GBP7: variants seen among roughly 807,000 people sequenced by gnomAD.
GBP7 encodes the protein guanylate binding protein 7.
GBP7 carries 43 observed loss-of-function variants against 61.3 expected under a neutral mutation model. The observed-to-expected ratio is 0.70, with a 90% CI of 0.55 to 0.91. The LOEUF (loss-of-function observed/expected upper bound fraction) is 0.91, where lower values mean the gene tolerates loss of function less well. Among genes scored for constraint, GBP7 ranks in the 40% least tolerant of loss-of-function variants. The pLI, the probability that GBP7 is intolerant of heterozygous loss-of-function variation, is 0.00. For synonymous variants in GBP7, 267 were observed against 271.0 expected, an observed-to-expected ratio of 0.99 and a Z score of 0.14; for missense variants, 717 against 740.5, an observed-to-expected ratio of 0.97 and a Z score of 0.37.
chr1:89,147,056 T>C (rs1057111115), intron 8 of GBP7, among the ~76,000 whole-genome samples: 4 of 152,216 alleles, frequency 2.6e-5, no homozygotes, highest in African/African-American at 9.6e-5. Context: ...TAATTTACAT[T>C]ATTAGAATGA....
intron 3 of GBP7, among the ~76,000 whole-genome samples, chr1:89,153,806 A>C (rs1682255754): frequency 6.6e-6 from 1 of 152,208 alleles, no homozygotes; most frequent in African/African-American, 2.4e-5. Flanking sequence ...CTATGAGTTC[A>C]AGCAAGAAGT....
chr1:89,162,734 C>A (rs941855385), intron 3 of GBP7, among the ~76,000 whole-genome samples: 2 of 152,146 alleles, frequency 1.3e-5, no homozygotes, highest in Non-Finnish European at 2.9e-5. Context: ...TCCTCTTTTC[C>A]TGTTTGGATG....
At chr1:89,169,099 GCAAGTAACC>G (rs1441871749) in intron 2 of GBP7, among the ~76,000 whole-genome samples, 2 of 152,148 alleles carry the variant, frequency 1.3e-5, no homozygotes, top group Non-Finnish European at 2.9e-5. Context: ...AGCCATTTGA[GCAAGTAACC>G]TTAACTTATT....
chr1:89,154,678 A>G (rs371462526), intron 3 of GBP7, among the ~76,000 whole-genome samples: 23 of 151,192 alleles, frequency 1.5e-4, no homozygotes, highest in African/African-American at 5.6e-4. Context: ...TTAACTTTAA[A>G]TTTAAGTTCA....
chr1:89,151,060 G>A (rs1288885761), intron 5 of GBP7, among the ~76,000 whole-genome samples: 1 of 151,530 alleles, frequency 6.6e-6, no homozygotes, highest in Non-Finnish European at 1.5e-5. Context: ...TTTTTTTGTG[G>A]TAAGAGTACC....
intron 9 of GBP7, among the ~76,000 whole-genome samples, chr1:89,140,487 A>G (rs1269564490): frequency 2.0e-5 from 3 of 152,000 alleles, no homozygotes; most frequent in Admixed American, 6.6e-5. Context: ...TGCAGGTAGA[A>G]AGCACATGAG....
chr1:89,167,763 A>G (rs890562471), intron 2 of GBP7, among the ~76,000 whole-genome samples: 2 of 152,208 alleles, frequency 1.3e-5, no homozygotes, highest in African/African-American at 4.8e-5. Context: ...TGGACAACTA[A>G]GGCAATGACT....
rs746321263 is a variant in GBP7 at position 89,132,455 on chromosome 1, G to A, written c.1663-52C>T. ...GAAAATCCCCAATTTTTAAGAGACC[G>A]AGGTTTGTATTTAACAATTTCATTA... is the stretch of plus-strand genomic sequence containing the variant. On this transcript the variant is annotated intron_variant, in intron 10 of 10. Coordinates refer to ENST00000294671, the MANE Select transcript of GBP7 (RefSeq NM_207398.3). The A allele has an allele frequency of 3.5e-5, 48 of 1,381,876 alleles. 1 individual carries two copies. The African/African-American group carries it at 3.8e-4, about 11-fold the overall frequency. The allele number at this position is 1,381,876 out of a possible 1,614,324, so 85.6% of individuals were successfully genotyped here.
chr1:89,169,581 C>A (rs1011594931), intron 2 of GBP7, among the ~76,000 whole-genome samples: 23 of 152,130 alleles, frequency 1.5e-4, no homozygotes, highest in Admixed American at 5.9e-4. Context: ...ATTTTGAATT[C>A]TTCTAGGTTT....
In GBP7 at chr1:89,171,781, G is replaced by C. The variant is rs1398370708; in HGVS notation, c.155C>G (p.Ser52Cys). 6.2e-7 allele frequency: 1 copy of C among 1,613,242 alleles called. No individual in the cohort carries two copies. Among genetic ancestry groups the C allele is most frequent in the Non-Finnish European group, 8.5e-7 (1 of 1,179,844 alleles). Residue 52 changes from serine (S) to cysteine (C), a missense_variant, in exon 2 of 11, where the codon TCC becomes TGC. Transcript: ENST00000294671. ...CCCAGCCAGCTTGTTCATTAGGTAG[G>C]ATTTGCCTGTGCGGTAGAGGCCCAC... ...AIVGLYRTGK[S>C]YLMNKLAGKN...
intron 8 of GBP7, among the ~76,000 whole-genome samples, chr1:89,145,684 C>A (rs2100643218): frequency 6.6e-6 from 1 of 151,982 alleles, no homozygotes; most frequent in Admixed American, 6.5e-5. Flanking sequence ...GCACTAAGAA[C>A]AAACTATATG....
In GBP7 at chr1:89,149,501, T is replaced by C. The variant is rs1682143305; in HGVS notation, c.943A>G (p.Met315Val). The C allele has an allele frequency of 6.2e-7, 1 of 1,614,140 alleles. No homozygotes were observed. Among genetic ancestry groups the C allele is most frequent in the Non-Finnish European group, 8.5e-7 (1 of 1,180,012 alleles). Reference sequence around the variant, plus strand: ...TTCTCACACTGGGCCAGAACTGCCATTGCATTCTCCAGACAAGGAGTCGCT... The same window carrying C: ...TTCTCACACTGGGCCAGAACTGCCACTGCATTCTCCAGACAAGGAGTCGCT... ...SGATPCLENAMAVLAQCENSA... is the reference protein window; with the variant it reads ...SGATPCLENAVAVLAQCENSA... Residue 315 changes from methionine to valine, a missense_variant, in exon 7 of 11, where the codon ATG becomes GTG. Met to Val is a conservative substitution (Grantham distance 21). Transcript: ENST00000294671.
chr1:89,138,027 G>GAA (rs1681847996), intron 9 of GBP7, among the ~76,000 whole-genome samples: 1 of 151,872 alleles, frequency 6.6e-6, no homozygotes, highest in South Asian at 2.1e-4. Context: ...AAGTCAAACC[G>GAA]AGAACACAAT....
chr1:89,140,814 G>A (rs1281242788), intron 9 of GBP7, among the ~76,000 whole-genome samples: 1 of 152,162 alleles, frequency 6.6e-6, no homozygotes, highest in Non-Finnish European at 1.5e-5. Flanking sequence ...TTCATCAGTG[G>A]TGGACTGGAT....
chr1:89,156,246 A>G (rs991834276), intron 3 of GBP7, among the ~76,000 whole-genome samples: 2 of 152,252 alleles, frequency 1.3e-5, no homozygotes, highest in Non-Finnish European at 2.9e-5. Flanking sequence ...CCACTGCAAA[A>G]GCATGCCAAA....
At chr1:89,163,745 A>G (rs1647341018) in intron 3 of GBP7, among the ~76,000 whole-genome samples, 1 of 152,192 alleles carries the variant, frequency 6.6e-6, no homozygotes, top group Non-Finnish European at 1.5e-5. Flanking sequence ...AGCTCACACT[A>G]TTCTAGAAGT....
At chr1:89,172,021 G>A in intron 1 of GBP7, 67 bp from the exon 2 acceptor site, 1 of 1,076,300 alleles carries the variant, frequency 9.3e-7, no homozygotes, top group South Asian at 1.5e-5. Context: ...CTATAATAGG[G>A]CATAAATCTT....
intron 6 of GBP7, 124 bp from the exon 7 acceptor site, chr1:89,149,696 CCTT>C (rs1682149434): frequency 2.7e-6 from 2 of 750,470 alleles, no homozygotes; most frequent in Admixed American, 3.0e-5. Flanking sequence ...CCCTCCTTCT[CCTT>C]CTTTCAATTC....
chr1:89,141,222 A>G (rs1681939082), intron 9 of GBP7, among the ~76,000 whole-genome samples: 1 of 152,004 alleles, frequency 6.6e-6, no homozygotes, highest in Non-Finnish European at 1.5e-5. Context: ...AAAAAAAAAA[A>G]GAAAGTAACA....
Sources: allele counts gnomAD v4.1 joint callset (sites outside exome capture counted in the v4.1 genomes callset), GRCh38; gene constraint gnomAD v4.1.1; transcripts MANE v1.5; gene names NCBI Gene and HGNC (gene_info 2026-07-23, HGNC 2026-07-21).